The following TBCK variants were observed in gnomAD, a reference collection of about 807,000 sequenced individuals.
The protein encoded by TBCK is TBC1 domain containing kinase.
In TBCK, 99 loss-of-function variants were observed where a neutral mutation model predicts 113.4. The ratio of observed to expected loss-of-function variants is 0.87; its 90% confidence interval spans 0.74 to 1.03. TBCK has a LOEUF of 1.03. Ranked by LOEUF, TBCK falls within the 50% of genes least tolerant of loss-of-function variation. TBCK has a pLI of 0.00. For synonymous variants in TBCK, 369 were observed against 370.8 expected (o/e 1.00, Z 0.05); for missense variants, 1,045 against 1,061.3 (o/e 0.98, Z 0.21).
chr4:106,288,679 A>C (rs1007857996), intron 3 of TBCK, among the ~76,000 whole-genome samples: 3 of 152,212 alleles, frequency 2.0e-5, no homozygotes, highest in South Asian at 4.1e-4. Context: ...TAATATTTAT[A>C]AGGTTAATCC....
chr4:106,292,632 T>G (rs139590517), intron 3 of TBCK, among the ~76,000 whole-genome samples: 1 of 151,586 alleles, frequency 6.6e-6, no homozygotes, highest in Non-Finnish European at 1.5e-5. Context: ...TGTGAGGAGA[T>G]GGACACAGAG....
intron 23 of TBCK, among the ~76,000 whole-genome samples, chr4:106,142,946 A>G (rs1035295728): frequency 6.6e-6 from 1 of 152,226 alleles, no homozygotes; most frequent in African/African-American, 2.4e-5. Flanking sequence ...GTGTCAAGGC[A>G]TAGCCCTGAT....
intron 1 of TBCK, among the ~76,000 whole-genome samples, chr4:106,313,371 CAA>C (rs926258070): frequency 2.3e-5 from 3 of 129,806 alleles, no homozygotes; most frequent in African/African-American, 8.7e-5. Context: ...GACTCCAGCT[CAA>C]AAAAAAGGAA....
intron 23 of TBCK, among the ~76,000 whole-genome samples, chr4:106,127,866 G>C (rs1291361692): frequency 6.6e-6 from 1 of 151,600 alleles, no homozygotes; most frequent in African/African-American, 2.4e-5. Context: ...CTGCTCAAAG[G>C]CAAAAAAAAT....
intron 12 of TBCK, chr4:106,237,366 G>A (rs78620195): frequency 0.01 from 3,360 of 333,712 alleles, 24 homozygotes; most frequent in Middle Eastern, 0.021. Context: ...TTTAATAAAT[G>A]TTGTTCCAAA....
intron 23 of TBCK, among the ~76,000 whole-genome samples, chr4:106,117,345 A>G (rs556537177): frequency 3.5e-4 from 54 of 152,324 alleles, no homozygotes; most frequent in Non-Finnish European, 6.3e-4. Context: ...TGGTTCTAAT[A>G]TATGTGTTGG....
At chr4:106,209,764 G>C (rs1240535796) in intron 20 of TBCK, among the ~76,000 whole-genome samples, 1 of 151,484 alleles carries the variant, frequency 6.6e-6, no homozygotes, top group Non-Finnish European at 1.5e-5. Flanking sequence ...ATGTTGTTCT[G>C]GTTAATTGCC....
At chr4:106,212,903 T>C (rs113160079) in intron 19 of TBCK, 68 bp from the exon 20 acceptor site, 101 of 956,296 alleles carry the variant, frequency 1.1e-4, no homozygotes, top group Middle Eastern at 2.2e-4. Context: ...TATTCAAATA[T>C]AGTTTTATTT....
intron 25 of TBCK, among the ~76,000 whole-genome samples, 196 bp from the exon 26 acceptor site, chr4:106,046,876 C>T (rs1328432358): frequency 6.6e-6 from 1 of 152,046 alleles, no homozygotes; most frequent in Non-Finnish European, 1.5e-5. Flanking sequence ...ATTTCTTTAT[C>T]TTATGGAATA....
chr4:106,193,969 TAATC>T (rs1315570655), intron 21 of TBCK, among the ~76,000 whole-genome samples, 199 bp from the exon 22 acceptor site: 1 of 152,106 alleles, frequency 6.6e-6, no homozygotes. Flanking sequence ...AAAAAATTGA[TAATC>T]AAACAGATAA....
rs766338508 is a variant in TBCK at position 106,281,625 on chromosome 4, G to T, written c.266+13469C>A. On this transcript the variant is annotated intron_variant, in intron 3 of 25. Coordinates refer to ENST00000394708, the MANE Select transcript of TBCK (RefSeq NM_001163435.3). ...TTGTTAAGGGTTTTTCACCATGAAG[G>T]GTTGTGGAATTTTATCAAAGGCTTT... is the stretch of plus-strand genomic sequence containing the variant. Among the ~76,000 whole-genome samples the T allele has an allele frequency of 2.6e-5, 4 of 152,060 alleles. No individual in the cohort carries two copies. In the East Asian group the frequency reaches 7.7e-4, roughly 29 times the overall value.
intron 2 of TBCK, 131 bp from the exon 3 acceptor site, chr4:106,295,297 A>G (rs982302728): frequency 5.2e-6 from 3 of 580,746 alleles, no homozygotes; most frequent in South Asian, 3.7e-5. Context: ...TTCAAACTCT[A>G]TATTAACTAC....
chr4:106,106,312 G>A (rs758217749), intron 24 of TBCK, among the ~76,000 whole-genome samples: 4 of 152,020 alleles, frequency 2.6e-5, no homozygotes, highest in Non-Finnish European at 4.4e-5. Context: ...AAGATTCTAC[G>A]CAAGATCATA....
At chr4:106,145,020 CA>C (rs34322527) in intron 23 of TBCK, among the ~76,000 whole-genome samples, 2,106 of 88,674 alleles carry the variant, frequency 0.024, 8 homozygotes, top group African/African-American at 0.036. Flanking sequence ...AACTCCGTGT[CA>C]AAAAAAAAAA....
intron 6 of TBCK, among the ~76,000 whole-genome samples, chr4:106,251,618 C>T (rs77005198): frequency 6.6e-6 from 1 of 151,918 alleles, no homozygotes; most frequent in African/African-American, 2.4e-5. Context: ...AAAATATACA[C>T]ATTATAGAGA....
intron 2 of TBCK, among the ~76,000 whole-genome samples, chr4:106,303,448 T>C (rs1352839352): frequency 4.6e-5 from 7 of 152,172 alleles, no homozygotes; most frequent in Admixed American, 2.0e-4. Context: ...CAATTTTATA[T>C]GTAATTTGAA....
intron 23 of TBCK, among the ~76,000 whole-genome samples, chr4:106,160,112 T>C (rs1026936525): frequency 6.6e-6 from 1 of 151,950 alleles, no homozygotes; most frequent in Non-Finnish European, 1.5e-5. Flanking sequence ...TAATAACATA[T>C]ACAAAAATTA....
At chr4:106,310,082 G>C (rs889694624) in intron 1 of TBCK, 1 of 152,094 alleles carries the variant, frequency 6.6e-6, no homozygotes, top group African/African-American at 2.4e-5. Context: ...TCACTAAGAA[G>C]ACATTCTACT....
chr4:106,146,895 T>C (rs983653475), intron 23 of TBCK, among the ~76,000 whole-genome samples: 1 of 152,236 alleles, frequency 6.6e-6, no homozygotes. Flanking sequence ...TCTCAAACCT[T>C]GCTGTTGCTT....
Sources: allele counts gnomAD v4.1 joint callset (sites outside exome capture counted in the v4.1 genomes callset), GRCh38; gene constraint gnomAD v4.1.1; transcripts MANE v1.5; gene names NCBI Gene and HGNC (gene_info 2026-07-23, HGNC 2026-07-21).